LIPI: variants seen among roughly 807,000 people sequenced by gnomAD.
LIPI encodes the protein lipase I, also known as lipase member I.
In LIPI, 59 loss-of-function variants were observed where a neutral mutation model predicts 50.6. That is an observed-to-expected ratio of 1.16 (90% CI 0.94 to 1.45). The LOEUF (loss-of-function observed/expected upper bound fraction) is 1.45, where lower values mean the gene tolerates loss of function less well. Ranked by LOEUF, LIPI falls within the 40% of genes most tolerant of loss-of-function variation. The pLI is 0.00. For missense variants in LIPI, 586 were observed against 536.3 expected, an observed-to-expected ratio of 1.09 and a Z score of -0.92; for synonymous variants, 203 against 178.2, an observed-to-expected ratio of 1.14 and a Z score of -1.11.
At chr21:14,146,698 T>A (rs1239223980) in intron 8 of LIPI, among the ~76,000 whole-genome samples, 1 of 151,942 alleles carries the variant, frequency 6.6e-6, no homozygotes, top group Non-Finnish European at 1.5e-5. Context: ...GAACATGGCC[T>A]ATGAGTTCTA....
intron 4 of LIPI, among the ~76,000 whole-genome samples, chr21:14,168,312 T>A (rs994660025): frequency 6.6e-6 from 1 of 152,194 alleles, no homozygotes; most frequent in Non-Finnish European, 1.5e-5. Context: ...CCAGGAGGAC[T>A]TCCCCAATCT....
chr21:14,126,435 A>G (rs960545606), intron 9 of LIPI, among the ~76,000 whole-genome samples: 1 of 152,190 alleles, frequency 6.6e-6, no homozygotes, highest in Non-Finnish European at 1.5e-5. Flanking sequence ...GAAATAAACA[A>G]TATTTAAAAG....
chr21:14,109,723 C>T (rs908213660), intron 9 of LIPI, among the ~76,000 whole-genome samples: 7 of 151,936 alleles, frequency 4.6e-5, no homozygotes, highest in African/African-American at 1.7e-4. Flanking sequence ...ATAGTAAATA[C>T]ATATTTTTGC....
At chr21:14,126,990 T>C (rs1261850969) in intron 9 of LIPI, among the ~76,000 whole-genome samples, 2 of 152,240 alleles carry the variant, frequency 1.3e-5, no homozygotes, top group East Asian at 3.8e-4. Flanking sequence ...TAAGTTTTAC[T>C]GTTACATAAA....
intron 9 of LIPI, among the ~76,000 whole-genome samples, chr21:14,135,935 G>A (rs2017482064): frequency 6.6e-6 from 1 of 152,172 alleles, no homozygotes; most frequent in Non-Finnish European, 1.5e-5. Context: ...AGGTAAAGGT[G>A]GGGAGGACTT....
chr21:14,175,583 T>G (rs1390197248), intron 4 of LIPI, among the ~76,000 whole-genome samples: 2 of 152,200 alleles, frequency 1.3e-5, no homozygotes, highest in African/African-American at 4.8e-5. Context: ...GTTAGAAATT[T>G]TTGTGTACTT....
chr21:14,156,891 T>C (rs1440522777), intron 7 of LIPI, among the ~76,000 whole-genome samples: 1 of 151,762 alleles, frequency 6.6e-6, no homozygotes, highest in Admixed American at 6.6e-5. Flanking sequence ...AATATGGATG[T>C]CTAATGGAAT....
intron 8 of LIPI, among the ~76,000 whole-genome samples, chr21:14,145,110 A>T (rs1398381141): frequency 1.9e-5 from 1 of 51,476 alleles, no homozygotes; most frequent in Non-Finnish European, 3.7e-5. Context: ...TAGAGAAGTC[A>T]TCCTATATGT....
At chr21:14,174,147 A>G (rs1175601962) in intron 4 of LIPI, among the ~76,000 whole-genome samples, 1 of 152,122 alleles carries the variant, frequency 6.6e-6, no homozygotes, top group East Asian at 1.9e-4. Flanking sequence ...AACCAACAGG[A>G]CTGCTTAGGA....
chr21:14,112,025 C>T (rs1423293119), intron 9 of LIPI, among the ~76,000 whole-genome samples: 1 of 151,982 alleles, frequency 6.6e-6, no homozygotes, highest in Non-Finnish European at 1.5e-5. Context: ...TTTTAGAATC[C>T]TGGTATTGAT....
chr21:14,134,810 A>G (rs1393969189), intron 9 of LIPI, among the ~76,000 whole-genome samples: 1 of 152,156 alleles, frequency 6.6e-6, no homozygotes, highest in African/African-American at 2.4e-5. Flanking sequence ...TTGAACACAT[A>G]AACATAAGAC....
chr21:14,151,928 C>T (rs1258482683), intron 8 of LIPI, among the ~76,000 whole-genome samples: 1 of 151,886 alleles, frequency 6.6e-6, no homozygotes, highest in Non-Finnish European at 1.5e-5. Flanking sequence ...TTGTGTCACT[C>T]TATTTAAAGA....
rs2018639104 is a variant in LIPI at position 14,165,299 on chromosome 21, A to T, written c.825T>A (p.Cys275Ter). Residue 275 changes from cysteine to a stop codon, truncating the protein, a stop_gained, in exon 6 of 10, where the codon TGT becomes TGA. Transcript: ENST00000681601. LOFTEE classifies it high-confidence loss of function. Reference protein sequence around the residue: ...ETNCNFISFPCRSYKDYKTSL... With the variant: ...ETNCNFISFP ...TAGTCTTGTAATCTTTGTATGAACG[A>T]CAAGGAAATGAAATAAAATTGCAGT... 6.2e-7 allele frequency: 1 copy of T among 1,612,662 alleles called. No homozygotes were observed. Among genetic ancestry groups the T allele is most frequent in the Non-Finnish European group, 8.5e-7 (1 of 1,178,964 alleles).
At chr21:14,210,028 A>G (rs973973415) in intron 1 of LIPI, among the ~76,000 whole-genome samples, 4 of 152,018 alleles carry the variant, frequency 2.6e-5, no homozygotes, top group Non-Finnish European at 5.9e-5. Context: ...GGTAATTTCT[A>G]GTTAATTTTA....
chr21:14,160,597 T>C (rs2018428257), intron 7 of LIPI, among the ~76,000 whole-genome samples: 1 of 151,408 alleles, frequency 6.6e-6, no homozygotes, highest in African/African-American at 2.4e-5. Flanking sequence ...CACAGAGTTC[T>C]TAGACTTGAC....
At chr21:14,188,023 G>T (rs1305306153) in intron 2 of LIPI, among the ~76,000 whole-genome samples, 2 of 152,112 alleles carry the variant, frequency 1.3e-5, no homozygotes, top group Non-Finnish European at 2.9e-5. Flanking sequence ...AGTCTTGAAA[G>T]TTCAGCACAA....
Position 14,181,860 on chromosome 21 carries a change from C to T in LIPI, c.542-1G>A, listed in dbSNP as rs963514070. 5.1e-6 allele frequency: 8 copies of T among 1,572,992 alleles called. No individual in the cohort carries two copies. In the African/African-American group the frequency reaches 8.1e-5, roughly 16 times the overall value. ...AACCTTGGCCCAGCAGGGTCAAGACCTGGAAAGCAAGAAAGAAATAATCAG... is the reference window on the plus strand; with the variant it reads ...AACCTTGGCCCAGCAGGGTCAAGACTTGGAAAGCAAGAAAGAAATAATCAG... On this transcript the variant is annotated splice_acceptor_variant, in intron 3 of 9. Coordinates refer to ENST00000681601, the MANE Select transcript of LIPI (RefSeq NM_001302998.2). LOFTEE classifies it high-confidence loss of function.
chr21:14,146,843 A>G (rs1046802223), intron 8 of LIPI, among the ~76,000 whole-genome samples: 3 of 129,936 alleles, frequency 2.3e-5, no homozygotes, highest in African/African-American at 9.1e-5. Flanking sequence ...CAGTGGTGCA[A>G]TCTCGGCTCA....
intron 1 of LIPI, among the ~76,000 whole-genome samples, chr21:14,199,325 A>C (rs1166065210): frequency 1.3e-5 from 2 of 151,926 alleles, no homozygotes; most frequent in Admixed American, 1.3e-4. Flanking sequence ...TCTGCAAAAA[A>C]AAATACAATA....
Sources: gnomAD v4.1 joint callset for allele counts (sites outside exome capture counted in the v4.1 genomes callset) on GRCh38, gnomAD v4.1.1 for gene constraint, MANE v1.5 for transcripts, NCBI Gene and HGNC (gene_info 2026-07-23, HGNC 2026-07-21) for gene names.